The following ZNF430 variants were observed in gnomAD, a reference collection of about 807,000 sequenced individuals.
The protein encoded by ZNF430 is zinc finger protein 430.
In ZNF430, 35 loss-of-function variants were observed where a neutral mutation model predicts 56.7. The observed-to-expected ratio is 0.62, with a 90% confidence interval of 0.47 to 0.82. ZNF430 has a LOEUF of 0.82. Ranked by LOEUF, ZNF430 falls within the 40% of genes least tolerant of loss-of-function variation. ZNF430 has a pLI of 0.00. For missense variants in ZNF430, 574 were observed against 661.0 expected (o/e 0.87, Z 1.44); for synonymous variants, 212 against 224.3 (o/e 0.94, Z 0.49).
chr19:21,022,686 C>T (rs1036843254), intron 1 of ZNF430, 103 bp from the exon 2 acceptor site: 2 of 873,662 alleles, frequency 2.3e-6, no homozygotes, highest in Non-Finnish European at 3.8e-6. Flanking sequence ...TTTTTCTGGT[C>T]CTGGGTTTCA....
chr19:21,057,127 C>G lies in ZNF430; in HGVS notation c.819C>G (p.Ser273=). 1.9e-6 allele frequency: 3 copies of G among 1,614,002 alleles called. No homozygotes were observed. The highest frequency in any genetic ancestry group is 2.5e-6 in the Non-Finnish European group (3 of 1,179,992). Residue 273 remains serine, a synonymous_variant, in exon 5 of 5, where the codon TCC becomes TCG. Coordinates refer to ENST00000261560, the MANE Select transcript of ZNF430 (RefSeq NM_025189.4). ...CEQCGKAFKQ[S]STLTTHKIIH... ...AATGTGGCAAAGCTTTTAAGCAGTCCTCAACCCTTACTACACATAAGATAA... is the reference window on the plus strand; with the variant it reads ...AATGTGGCAAAGCTTTTAAGCAGTCGTCAACCCTTACTACACATAAGATAA...
At chr19:21,020,920 G>C in intron 1 of ZNF430, 117 bp downstream of exon 1, 1 of 1,447,844 alleles carries the variant, frequency 6.9e-7, no homozygotes, top group South Asian at 1.2e-5. Context: ...TGCGCCCCGA[G>C]TTCTTGCCCA....
At chr19:21,021,325 C>T (rs1170406902) in intron 1 of ZNF430, among the ~76,000 whole-genome samples, 1 of 151,990 alleles carries the variant, frequency 6.6e-6, no homozygotes, top group Non-Finnish European at 1.5e-5. Context: ...ATAGTGAAAC[C>T]CCGTCTTTAC....
intron 2 of ZNF430, among the ~76,000 whole-genome samples, chr19:21,026,799 T>C (rs1256352924): frequency 1.3e-5 from 2 of 150,734 alleles, no homozygotes; most frequent in Non-Finnish European, 3.0e-5. Context: ...CCTTTCTTCC[T>C]GTTTGGATGC....
At chr19:21,026,827 C>CTTTTTTT (rs747809260) in intron 2 of ZNF430, among the ~76,000 whole-genome samples, 6,191 of 68,496 alleles carry the variant, frequency 0.09, 1,397 homozygotes, top group Non-Finnish European at 0.12. Context: ...CTTTTCTTTT[C>CTTTTTTT]TTTTTTTTTT....
chr19:21,057,726 C>T lies in ZNF430; in HGVS notation c.1418C>T (p.Thr473Ile). Reference protein sequence around the residue: ...GKAFNRSPKLTAHKVIHSGEK... With the variant: ...GKAFNRSPKLIAHKVIHSGEK... ...GCCTTTAACCGGTCCCCAAAACTTACTGCACATAAGGTAATTCATTCTGGA... is the reference window on the plus strand; with the variant it reads ...GCCTTTAACCGGTCCCCAAAACTTATTGCACATAAGGTAATTCATTCTGGA... The change falls in exon 5 of 5, where the codon ACT becomes ATT. Residue 473 changes from threonine to isoleucine, a missense_variant. By Grantham distance (89) the Thr-to-Ile change is moderately conservative (BLOSUM62 -1). Transcript: ENST00000261560. The T allele has an allele frequency of 6.2e-7, 1 of 1,605,254 alleles. No individual in the cohort carries two copies. Among genetic ancestry groups the T allele is most frequent in the Non-Finnish European group, 8.5e-7 (1 of 1,175,830 alleles).
At chr19:21,034,051 A>G (rs757491678) in intron 3 of ZNF430, 35 bp from the exon 4 acceptor site, 3 of 1,542,906 alleles carry the variant, frequency 1.9e-6, no homozygotes, top group South Asian at 2.2e-5. Flanking sequence ...ACTGAAGAAT[A>G]TGAGAAAGAT....
chr19:21,040,465 C>T (rs1341185685), intron 4 of ZNF430, among the ~76,000 whole-genome samples: 1 of 152,200 alleles, frequency 6.6e-6, no homozygotes, highest in Non-Finnish European at 1.5e-5. Flanking sequence ...GTCTCCTTCA[C>T]CTCACACTTG....
At chr19:21,038,215 A>G (rs1486601517) in intron 4 of ZNF430, among the ~76,000 whole-genome samples, 1 of 152,100 alleles carries the variant, frequency 6.6e-6, no homozygotes, top group African/African-American at 2.4e-5. Context: ...ATTTTTGTAT[A>G]TGATTCAAAG....
intron 4 of ZNF430, among the ~76,000 whole-genome samples, chr19:21,042,892 G>A (rs373584879): frequency 1.6e-4 from 24 of 152,226 alleles, no homozygotes; most frequent in South Asian, 4.1e-4. Context: ...CTGATGTTGA[G>A]CTTTGTTTGT....
Position 21,029,397 on chromosome 19 carries a change from A to C in ZNF430, c.97-4059A>C, listed in dbSNP as rs192686768. On this transcript the variant is annotated intron_variant, in intron 2 of 4. Transcript: ENST00000261560. ...TCTTCTAGTATAATTATTCTAAAGA[A>C]CTTTAATAAATTTGTTTAAATTGCT... 3.7e-3 allele frequency among the ~76,000 whole-genome samples: 566 copies of C among 151,282 alleles called. 4 individuals are homozygous for C. Among genetic ancestry groups the C allele is most frequent in the Middle Eastern group, 6.9e-3 (2 of 288 alleles).
At chr19:21,028,779 G>A (rs761858298) in intron 2 of ZNF430, among the ~76,000 whole-genome samples, 1 of 151,970 alleles carries the variant, frequency 6.6e-6, no homozygotes, top group Non-Finnish European at 1.5e-5. Context: ...TCCGCCTCCC[G>A]GGTTCAAGTG....
intron 2 of ZNF430, among the ~76,000 whole-genome samples, chr19:21,024,735 G>A (rs1370602535): frequency 6.6e-6 from 1 of 151,520 alleles, no homozygotes; most frequent in African/African-American, 2.4e-5. Context: ...AGCCTAGATC[G>A]CGCCACTGCA....
rs1968440574 is a variant in ZNF430, at chr19:21,059,860, C to G, written c.*1839C>G. On this transcript the variant is annotated 3_prime_UTR_variant, in exon 5 of 5. Transcript: ENST00000261560. The stretch of plus-strand genomic sequence containing the variant: ...AGTAAGGACATTAAAATGTAAGATG[C>G]ATGATGAAAAATTAAGTGAAGAGGC... The G allele has an allele frequency of 6.6e-6, 1 of 151,782 alleles. No individual in the cohort carries two copies. Among genetic ancestry groups the G allele is most frequent in the African/African-American group, 2.4e-5 (1 of 41,294 alleles). The allele number at this position is 151,782 out of a possible 1,614,324, so 9.4% of individuals were successfully genotyped here. A position where few individuals can be genotyped will look rare whatever the true frequency, so the allele number is the denominator to read the frequency against.
chr19:21,054,509 G>A (rs1041135024), intron 4 of ZNF430, among the ~76,000 whole-genome samples: 1 of 151,752 alleles, frequency 6.6e-6, no homozygotes, highest in African/African-American at 2.4e-5. Context: ...TTTACTGGCT[G>A]TGTCATAAGA....
intron 4 of ZNF430, among the ~76,000 whole-genome samples, chr19:21,049,042 A>G (rs1968233678): frequency 6.6e-6 from 1 of 151,808 alleles, no homozygotes; most frequent in African/African-American, 2.4e-5. Flanking sequence ...AAAAATACAA[A>G]AATTAGGTAT....
intron 4 of ZNF430, among the ~76,000 whole-genome samples, chr19:21,055,626 G>T (rs530166111): frequency 6.6e-5 from 10 of 151,880 alleles, no homozygotes; most frequent in African/African-American, 2.2e-4. Flanking sequence ...CTTTTCTTTT[G>T]TTTTTTTAGT....
intron 2 of ZNF430, among the ~76,000 whole-genome samples, chr19:21,026,337 C>T (rs140504412): frequency 1.0e-3 from 157 of 151,764 alleles, no homozygotes; most frequent in African/African-American, 3.5e-3. Context: ...TATAGGCGCA[C>T]GCCACCACGC....
At position 21,040,010 on chromosome 19, in the gene ZNF430, G is replaced by T. The variant is rs183617562; in HGVS notation, c.322+5826G>T. ...CACTACCGTGCCTCGCTAATTTTTT[G>T]ATTTTTTTGTAGTGACAGAGTCTCA... On this transcript the variant is annotated intron_variant, in intron 4 of 4. Coordinates refer to ENST00000261560, the MANE Select transcript of ZNF430 (RefSeq NM_025189.4). 2.8e-4 allele frequency among the ~76,000 whole-genome samples: 43 copies of T among 151,956 alleles called. 1 individual carries two copies. Among genetic ancestry groups the T allele is most frequent in the East Asian group, 2.5e-3 (13 of 5,150 alleles).
Sources: allele counts gnomAD v4.1 joint callset (sites outside exome capture counted in the v4.1 genomes callset), GRCh38; gene constraint gnomAD v4.1.1; transcripts MANE v1.5; gene names NCBI Gene and HGNC (gene_info 2026-07-23, HGNC 2026-07-21).